Variants in GPC6 observed in about 807,000 individuals in gnomAD.
GPC6 encodes the protein glypican-6.
A neutral mutation model predicts 55.2 loss-of-function variants in GPC6; 14 were observed. The observed-to-expected ratio is 0.25, with a 90% CI of 0.17 to 0.40. The LOEUF (loss-of-function observed/expected upper bound fraction) is 0.40. GPC6 is among the 10% of genes least tolerant of loss of function. GPC6 has a pLI of 1.00. For missense variants in GPC6, 641 were observed against 708.5 expected (o/e 0.90, Z 1.08); for synonymous variants, 278 against 259.6 (o/e 1.07, Z -0.68).
intron 3 of GPC6, among the ~76,000 whole-genome samples, chr13:94,011,943 G>C (rs138677062): frequency 6.6e-6 from 1 of 152,156 alleles, no homozygotes; most frequent in South Asian, 2.1e-4. Context: ...AATAAATTCA[G>C]TCATAGCCAT....
chr13:93,518,294 T>C (rs1039676357), intron 1 of GPC6, among the ~76,000 whole-genome samples: 5 of 151,856 alleles, frequency 3.3e-5, no homozygotes, highest in Admixed American at 2.0e-4. Flanking sequence ...ATTTTCTTTA[T>C]GTGGATACAT....
At chr13:93,601,064 G>A (rs902933630) in intron 2 of GPC6, among the ~76,000 whole-genome samples, 3 of 151,786 alleles carry the variant, frequency 2.0e-5, no homozygotes, top group African/African-American at 7.3e-5. Flanking sequence ...TTCACTAGAG[G>A]AAAAGACGAG....
intron 4 of GPC6, among the ~76,000 whole-genome samples, chr13:94,147,227 T>A (rs1887593009): frequency 6.6e-6 from 1 of 152,168 alleles, no homozygotes; most frequent in Admixed American, 6.6e-5. Flanking sequence ...ATCTCCTGAT[T>A]CTGTCTTTCC....
intron 2 of GPC6, among the ~76,000 whole-genome samples, chr13:93,657,540 G>A (rs770668760): frequency 1.3e-5 from 2 of 152,058 alleles, no homozygotes; most frequent in African/African-American, 2.4e-5. Flanking sequence ...CATAGATCCT[G>A]GCAAAGATTT....
intron 3 of GPC6, among the ~76,000 whole-genome samples, chr13:93,952,348 T>A (rs1879287042): frequency 6.6e-6 from 1 of 152,120 alleles, no homozygotes. Flanking sequence ...GAAAGAACTG[T>A]ATGAATATTA....
intron 3 of GPC6, among the ~76,000 whole-genome samples, chr13:93,831,414 A>G (rs1268859093): frequency 6.6e-6 from 1 of 152,230 alleles, no homozygotes; most frequent in Non-Finnish European, 1.5e-5. Flanking sequence ...TAAAAATAAT[A>G]CGTAACAGGA....
intron 4 of GPC6, among the ~76,000 whole-genome samples, chr13:94,140,847 C>A (rs147412350): frequency 1.6e-3 from 242 of 152,102 alleles, no homozygotes; most frequent in African/African-American, 5.7e-3. Flanking sequence ...CTGCCAGTGC[C>A]ACCTTTGCAC....
intron 2 of GPC6, among the ~76,000 whole-genome samples, chr13:93,642,806 G>A (rs190123233): frequency 6.6e-6 from 1 of 152,222 alleles, no homozygotes; most frequent in East Asian, 1.9e-4. Flanking sequence ...AGGAAAGATT[G>A]TTTAACAGTA....
intron 4 of GPC6, among the ~76,000 whole-genome samples, chr13:94,171,748 A>T (rs1241897391): frequency 6.6e-6 from 1 of 152,186 alleles, no homozygotes; most frequent in Admixed American, 6.5e-5. Flanking sequence ...AACACTTTTC[A>T]TGGCATGTAG....
intron 7 of GPC6, among the ~76,000 whole-genome samples, chr13:94,387,242 G>A (rs1257278269): frequency 6.6e-6 from 1 of 152,162 alleles, no homozygotes; most frequent in Non-Finnish European, 1.5e-5. Flanking sequence ...ATCTCTGACA[G>A]ATCTCACTCT....
At chr13:93,463,504 T>A (rs982279134) in intron 1 of GPC6, among the ~76,000 whole-genome samples, 5 of 152,218 alleles carry the variant, frequency 3.3e-5, no homozygotes, top group Admixed American at 1.3e-4. Context: ...AGAGTTCTTG[T>A]GTAGCCCAGG....
intron 2 of GPC6, among the ~76,000 whole-genome samples, chr13:93,579,840 GC>G (rs1284423917): frequency 6.6e-6 from 1 of 152,048 alleles, no homozygotes; most frequent in Non-Finnish European, 1.5e-5. Context: ...AAATGATGGA[GC>G]CCCTCACTGT....
chr13:93,440,837 C>T (rs1015549165), intron 1 of GPC6, among the ~76,000 whole-genome samples: 6 of 151,952 alleles, frequency 3.9e-5, no homozygotes, highest in Admixed American at 1.3e-4. Context: ...AATGCTATCC[C>T]TCCCCCCTGC....
chr13:93,976,078 G>A (rs756748168), intron 3 of GPC6, among the ~76,000 whole-genome samples: 2 of 152,054 alleles, frequency 1.3e-5, no homozygotes, highest in Admixed American at 6.6e-5. Flanking sequence ...ATCCTCCTAG[G>A]ATTCCAGCAC....
At chr13:94,354,885 A>G (rs564123316) in intron 6 of GPC6, among the ~76,000 whole-genome samples, 204 of 152,366 alleles carry the variant, frequency 1.3e-3, no homozygotes, top group Non-Finnish European at 2.5e-3. Context: ...GATGATCATG[A>G]TGAAGACAAG....
intron 3 of GPC6, among the ~76,000 whole-genome samples, chr13:93,936,600 A>T (rs1232179003): frequency 1.3e-5 from 2 of 152,142 alleles, no homozygotes; most frequent in African/African-American, 4.8e-5. Context: ...TTATGCACCT[A>T]CTCAAATATT....
intron 6 of GPC6, among the ~76,000 whole-genome samples, chr13:94,355,654 C>T (rs1315892044): frequency 6.6e-6 from 1 of 152,192 alleles, no homozygotes; most frequent in Admixed American, 6.5e-5. Flanking sequence ...CCTACATTAT[C>T]AGTTGCTACC....
At chr13:93,957,011 T>C (rs1051210817) in intron 3 of GPC6, among the ~76,000 whole-genome samples, 13 of 152,140 alleles carry the variant, frequency 8.5e-5, no homozygotes, top group African/African-American at 3.1e-4. Context: ...ATTCCCAAAT[T>C]AGCCCAGGAT....
At chr13:93,715,223 A>G (rs758618940) in intron 2 of GPC6, among the ~76,000 whole-genome samples, 101 of 151,848 alleles carry the variant, frequency 6.7e-4, no homozygotes, top group Middle Eastern at 3.4e-3. Context: ...ATGCCCATCA[A>G]CGGTAGACTG....
Sources: allele counts gnomAD v4.1 joint callset (sites outside exome capture counted in the v4.1 genomes callset), GRCh38; gene constraint gnomAD v4.1.1; transcripts MANE v1.5; gene names NCBI Gene and HGNC (gene_info 2026-07-23, HGNC 2026-07-21).